CIZ1: variants seen among roughly 807,000 people sequenced by gnomAD.
The protein encoded by CIZ1 is CDKN1A interacting zinc finger protein 1, also known as cip1-interacting zinc finger protein.
CIZ1 carries 58 observed loss-of-function variants against 118.6 expected under a neutral mutation model. The observed-to-expected ratio is 0.49, with a 90% confidence interval of 0.40 to 0.61. The LOEUF (loss-of-function observed/expected upper bound fraction) is 0.61, where lower values mean the gene tolerates loss of function less well. CIZ1 is among the 20% of genes least tolerant of loss of function. The pLI, the probability that CIZ1 is intolerant of heterozygous loss-of-function variation, is 0.00. For missense variants in CIZ1, 921 were observed against 1,115.9 expected, an observed-to-expected ratio of 0.83 and a Z score of 2.49; for synonymous variants, 448 against 443.4, an observed-to-expected ratio of 1.01 and a Z score of -0.13.
At chr9:128,176,547 G>A in intron 10 of CIZ1, 72 bp from the exon 11 acceptor site, 1 of 1,492,044 alleles carries the variant, frequency 6.7e-7, no homozygotes. Context: ...GGGGCCTGGG[G>A]AGGCAGACCC....
intron 14 of CIZ1, 115 bp from the exon 15 acceptor site, chr9:128,167,279 C>T: frequency 1.3e-6 from 1 of 770,586 alleles, no homozygotes; most frequent in South Asian, 1.9e-5. Context: ...CCCTTGATTT[C>T]CAGGAGGTAG....
intron 3 of CIZ1, among the ~76,000 whole-genome samples, chr9:128,188,503 G>A (rs1169072878): frequency 6.6e-6 from 1 of 152,080 alleles, no homozygotes; most frequent in Non-Finnish European, 1.5e-5. Context: ...TTTTGAGAAA[G>A]GGTCTTGCTA....
At chr9:128,180,381 C>T (rs1185057953) in intron 7 of CIZ1, 34 bp downstream of exon 7, 8 of 1,535,094 alleles carry the variant, frequency 5.2e-6, no homozygotes, top group South Asian at 1.1e-5. Flanking sequence ...GCACAGGGCA[C>T]CCGGGCGCAG....
At chr9:128,176,581 TTC>T (rs1262131430) in intron 10 of CIZ1, 106 bp from the exon 11 acceptor site, 2 of 1,136,518 alleles carry the variant, frequency 1.8e-6, no homozygotes, top group African/African-American at 3.1e-5. Flanking sequence ...GTGCGCCCAT[TTC>T]TCTCACCACA....
intron 10 of CIZ1, 78 bp from the exon 11 acceptor site, chr9:128,176,553 GA>G: frequency 6.9e-7 from 1 of 1,446,586 alleles, no homozygotes; most frequent in South Asian, 1.3e-5. Flanking sequence ...TGGGGAGGCA[GA>G]CCCCAGCCTC....
rs45486601 is a variant in CIZ1 at position 128,174,713 on chromosome 9, G to A, written c.1943+1638C>T. Among the ~76,000 whole-genome samples, 421 of 152,230 alleles carry A rather than the reference G, an allele frequency of 2.8e-3. 3 individuals are homozygous for A. The highest frequency in any genetic ancestry group is 9.6e-3 in the African/African-American group (398 of 41,532). On this transcript the variant is annotated intron_variant, in intron 11 of 16. Transcript: ENST00000372938. ...ATCTCTCTGTCACCCAGGCTGAAGT[G>A]CAGTGGCGCGATCTCGGCTCACTGC... is the stretch of plus-strand genomic sequence containing the variant.
chr9:128,189,320 C>T (rs954165820), intron 3 of CIZ1, among the ~76,000 whole-genome samples: 2 of 152,206 alleles, frequency 1.3e-5, no homozygotes, highest in African/African-American at 4.8e-5. Flanking sequence ...GGTTCTCTCT[C>T]TCTACCTACC....
At chr9:128,177,137 C>A (rs1037615096) in intron 10 of CIZ1, among the ~76,000 whole-genome samples, 5 of 152,194 alleles carry the variant, frequency 3.3e-5, no homozygotes, top group African/African-American at 1.2e-4. Flanking sequence ...ATCCACCCAC[C>A]TCAGCCTCCC....
At chr9:128,190,997 T>G (rs1833070325) in intron 1 of CIZ1, 135 bp from the exon 2 acceptor site, 1 of 1,297,802 alleles carries the variant, frequency 7.7e-7, no homozygotes, top group South Asian at 1.5e-5. Context: ...TTCCCAGTCC[T>G]GCCAAGAGCC....
upstream of CIZ1, among the ~76,000 whole-genome samples, chr9:128,195,004 A>C (rs1183378443): frequency 6.6e-6 from 1 of 151,634 alleles, no homozygotes; most frequent in African/African-American, 2.4e-5. Flanking sequence ...TTTTTTTTTT[A>C]AAGACAGGGG....
At chr9:128,177,018 C>T (rs1235462301) in intron 10 of CIZ1, among the ~76,000 whole-genome samples, 2 of 152,142 alleles carry the variant, frequency 1.3e-5, no homozygotes, top group African/African-American at 4.8e-5. Flanking sequence ...AATTCTTCTG[C>T]CTCAGCCTCC....
intron 3 of CIZ1, among the ~76,000 whole-genome samples, chr9:128,188,280 G>A (rs1280606400): frequency 6.6e-6 from 1 of 151,960 alleles, no homozygotes; most frequent in African/African-American, 2.4e-5. Context: ...AAAGAAACAG[G>A]GTACAGCCTG....
chr9:128,190,085 C>T (rs1832939449), intron 3 of CIZ1, among the ~76,000 whole-genome samples: 1 of 152,194 alleles, frequency 6.6e-6, no homozygotes, highest in African/African-American at 2.4e-5. Context: ...GTGAAGTGTG[C>T]TGAGTATTGC....
In CIZ1 at chr9:128,203,805, C is replaced by T. The variant is rs1184333859; in HGVS notation, c.-6+381G>A. Among the ~76,000 whole-genome samples, 2 of 149,960 alleles carry T rather than the reference C, an allele frequency of 1.3e-5. No homozygotes were observed. Among genetic ancestry groups the T allele is most frequent in the Non-Finnish European group, 3.0e-5 (2 of 67,192 alleles). On this transcript the variant is annotated intron_variant, in intron 1 of 17. Transcript: ENST00000372948. The surrounding 1 kb of genome is among the most constrained non-coding windows in gnomAD (Gnocchi z 5.3). ...CCCTCCCCCCACCACGAGAGCCCCT[C>T]GGGGCAGCAGCGCCCCCCGCTAGTC...
chr9:128,185,541 A>C lies in CIZ1; in HGVS notation c.588+6T>G. On this transcript the variant is annotated splice_donor_region_variant and intron_variant, in intron 5 of 16. Transcript: ENST00000372938. The stretch of plus-strand genomic sequence containing the variant: ...CCGCCCACTCCCATCCCCACCTACC[A>C]CTCACCTTTCGATTGGGGGTGGTAG... 2 of 1,464,188 alleles carry C rather than the reference A, an allele frequency of 1.4e-6. No homozygotes were observed. The highest frequency in any genetic ancestry group is 1.8e-6 in the Non-Finnish European group (2 of 1,090,946). The allele number at this position is 1,464,188 out of a possible 1,614,324, so 90.7% of individuals were successfully genotyped here. A position where few individuals can be genotyped will look rare whatever the true frequency, so the allele number is the denominator to read the frequency against.
intron 13 of CIZ1, 28 bp from the exon 14 acceptor site, chr9:128,169,229 G>A (rs369867281): frequency 1.9e-6 from 3 of 1,612,530 alleles, no homozygotes; most frequent in East Asian, 2.2e-5. Flanking sequence ...AAGGAGCTCA[G>A]GTCAGCTCTG....
At position 128,191,114 on chromosome 9, in the gene CIZ1, C is replaced by T. The variant is rs900256173; in HGVS notation, c.-5-252G>A. Among the ~76,000 whole-genome samples, 1 of 152,124 alleles carries T rather than the reference C, an allele frequency of 6.6e-6. No individual in the cohort carries two copies. Among genetic ancestry groups the T allele is most frequent in the Admixed American group, 6.5e-5 (1 of 15,276 alleles). ...CCCCAGACACTGCCAACAGCCCCTC[C>T]TTCAAGTCCCTCCATCTCTCCATTT... On this transcript the variant is annotated intron_variant, in intron 1 of 16. Transcript: ENST00000372938. This position sits in a 1 kb window ranked among gnomAD's most constrained non-coding sequence, Gnocchi z 5.5.
intron 11 of CIZ1, 65 bp from the exon 12 acceptor site, chr9:128,170,172 C>G: frequency 7.2e-7 from 1 of 1,379,682 alleles, no homozygotes; most frequent in Non-Finnish European, 1.0e-6. Context: ...TCTGAGAGCG[C>G]TCCATAAGTG....
At chr9:128,180,634 C>T (rs1831464822) in intron 6 of CIZ1, 87 bp downstream of exon 6, 4 of 1,357,410 alleles carry the variant, frequency 2.9e-6, no homozygotes, top group Non-Finnish European at 4.2e-6. Flanking sequence ...CCCTGCCTCC[C>T]ACACCTGCCT....
Sources: gnomAD v4.1 joint callset for allele counts (sites outside exome capture counted in the v4.1 genomes callset) on GRCh38, gnomAD v4.1.1 for gene constraint, Gnocchi (gnomAD v3.1) non-coding constraint, MANE v1.5 for transcripts, NCBI Gene and HGNC (gene_info 2026-07-23, HGNC 2026-07-21) for gene names.